C3orf49: variants seen among roughly 807,000 people sequenced by gnomAD.
C3orf49 encodes the protein putative uncharacterized protein C3orf49.
C3orf49 carries 27 observed loss-of-function variants against 13.3 expected under a neutral mutation model. The observed-to-expected ratio is 2.02, with a 90% CI of 1.49 to 2.79. The LOEUF is 2.79. Among genes scored for constraint, C3orf49 ranks in the 30% most tolerant of loss-of-function variants. The pLI, the probability that C3orf49 is intolerant of heterozygous loss-of-function variation, is 0.00. For synonymous variants in C3orf49, 87 were observed against 47.6 expected, an observed-to-expected ratio of 1.83 and a Z score of -3.40; for missense variants, 242 against 134.2, an observed-to-expected ratio of 1.80 and a Z score of -3.97.
chr3:63,807,242 C>T, the C3orf49 span, among the ~76,000 whole-genome samples: 2 of 152,164 alleles, frequency 1.3e-5, no homozygotes, highest in Admixed American at 6.5e-5. Context: ...TGAGCCACTG[C>T]ACCCGGGCCC....
the C3orf49 span, among the ~76,000 whole-genome samples, chr3:63,806,970 TAGA>T: frequency 7.9e-5 from 12 of 152,258 alleles, 1 homozygote; most frequent in South Asian, 2.3e-3. Flanking sequence ...TTCTTTTTTT[TAGA>T]CGGAGTCTCG....
the C3orf49 span, among the ~76,000 whole-genome samples, chr3:63,789,841 A>G: frequency 6.7e-6 from 1 of 150,270 alleles, no homozygotes; most frequent in African/African-American, 2.4e-5. Flanking sequence ...AAAAGGAAGT[A>G]CAATGGGACA....
chr3:63,829,797 C>T (rs890848185), intron 3 of C3orf49, among the ~76,000 whole-genome samples: 1 of 146,830 alleles, frequency 6.8e-6, no homozygotes, highest in Non-Finnish European at 1.5e-5. Context: ...CCCATCTCTA[C>T]AAAAAAAAAA....
At chr3:63,788,588 G>A in the C3orf49 span, among the ~76,000 whole-genome samples, 1 of 152,182 alleles carries the variant, frequency 6.6e-6, no homozygotes, top group African/African-American at 2.4e-5. Flanking sequence ...GGAGCCCTGA[G>A]AACTTGCAAC....
the C3orf49 span, among the ~76,000 whole-genome samples, chr3:63,811,078 C>A: frequency 6.6e-6 from 1 of 152,122 alleles, no homozygotes; most frequent in Non-Finnish European, 1.5e-5. Context: ...AAACTTCTGA[C>A]CTCAAGTGAT....
the C3orf49 span, among the ~76,000 whole-genome samples, chr3:63,799,648 A>G: frequency 6.6e-6 from 1 of 152,230 alleles, no homozygotes; most frequent in African/African-American, 2.4e-5. Context: ...TTTAAAAACT[A>G]CTTTCATGTT....
At chr3:63,790,998 A>G in the C3orf49 span, among the ~76,000 whole-genome samples, 1 of 152,154 alleles carries the variant, frequency 6.6e-6, no homozygotes, top group African/African-American at 2.4e-5. Flanking sequence ...CACAAGGAAA[A>G]GAGATGGGGC....
chr3:63,830,758 G>A (rs1210656564), intron 3 of C3orf49, among the ~76,000 whole-genome samples: 1 of 152,108 alleles, frequency 6.6e-6, no homozygotes, highest in Non-Finnish European at 1.5e-5. Context: ...GCTTTCTGGG[G>A]CACTGGTCCA....
chr3:63,838,063 C>A, intron 5 of C3orf49: 1 of 1,591,312 alleles, frequency 6.3e-7, no homozygotes, highest in South Asian at 1.2e-5. Context: ...ATGCTACATT[C>A]TATATGAGAA....
intron 1 of C3orf49, among the ~76,000 whole-genome samples, chr3:63,820,207 A>G (rs1701376137): frequency 6.6e-6 from 1 of 152,182 alleles, no homozygotes; most frequent in South Asian, 2.1e-4. Flanking sequence ...TCCATGGGCT[A>G]TAGTTCAGAC....
At chr3:63,838,265 C>A in intron 5 of C3orf49, 2 of 949,836 alleles carry the variant, frequency 2.1e-6, no homozygotes, top group Non-Finnish European at 3.1e-6. Flanking sequence ...TCCATTAATA[C>A]AGTAATTGTT....
At chr3:63,835,685 C>T (rs569366451) in intron 5 of C3orf49, among the ~76,000 whole-genome samples, 3 of 152,098 alleles carry the variant, frequency 2.0e-5, no homozygotes, top group South Asian at 4.1e-4. Flanking sequence ...AGTTTAACTT[C>T]GAGGGTTTTT....
chr3:63,795,296 T>A, the C3orf49 span, among the ~76,000 whole-genome samples: 2 of 152,154 alleles, frequency 1.3e-5, no homozygotes, highest in African/African-American at 4.8e-5. Flanking sequence ...GGGAAACGTC[T>A]AGGGGGTATT....
chr3:63,808,037 T>A, the C3orf49 span, among the ~76,000 whole-genome samples: 1 of 152,044 alleles, frequency 6.6e-6, no homozygotes, highest in Non-Finnish European at 1.5e-5. Context: ...AACGACATAA[T>A]GAACGAACTT....
the C3orf49 span, among the ~76,000 whole-genome samples, chr3:63,785,068 T>C: frequency 8.0e-5 from 10 of 125,348 alleles, no homozygotes; most frequent in South Asian, 3.1e-4. Flanking sequence ...TCTTCTTCTT[T>C]TTTTTTTTTT....
At chr3:63,822,777 C>A (rs543690641) in intron 1 of C3orf49, among the ~76,000 whole-genome samples, 1 of 152,228 alleles carries the variant, frequency 6.6e-6, no homozygotes, top group Non-Finnish European at 1.5e-5. Flanking sequence ...GGAGGTTACT[C>A]CTTATTGACT....
chr3:63,816,702 GCT>G (rs1701327816), upstream of C3orf49, among the ~76,000 whole-genome samples: 1 of 150,852 alleles, frequency 6.6e-6, no homozygotes, highest in African/African-American at 2.4e-5. Flanking sequence ...CCTCCCTCCA[GCT>G]TATCACACAC....
At chr3:63,797,539 T>C in the C3orf49 span, among the ~76,000 whole-genome samples, 1 of 152,238 alleles carries the variant, frequency 6.6e-6, no homozygotes, top group South Asian at 2.1e-4. Flanking sequence ...TGACACACAG[T>C]TTCTCACTCT....
chr3:63,833,114 T>A (rs902306380), intron 5 of C3orf49, among the ~76,000 whole-genome samples: 1 of 151,610 alleles, frequency 6.6e-6, no homozygotes, highest in Non-Finnish European at 1.5e-5. Context: ...TTTTTTTTTT[T>A]AGACAGAGTT....
Sources: allele counts gnomAD v4.1 joint callset (sites outside exome capture counted in the v4.1 genomes callset), GRCh38; gene constraint gnomAD v4.1.1; transcripts MANE v1.5; gene names NCBI Gene and HGNC (gene_info 2026-07-23, HGNC 2026-07-21).